KDM2A: variants seen among roughly 807,000 people sequenced by gnomAD.
KDM2A encodes lysine-specific demethylase 2A.
KDM2A carries 3 observed loss-of-function variants against 137.3 expected under a neutral mutation model. The observed-to-expected ratio is 0.02, with a 90% CI of 0.01 to 0.06. The LOEUF is 0.06. Ranked by LOEUF, KDM2A falls within the 10% of genes least tolerant of loss-of-function variation. The pLI, the probability that KDM2A is intolerant of heterozygous loss-of-function variation, is 1.00. For synonymous variants in KDM2A, 512 were observed against 541.5 expected, an observed-to-expected ratio of 0.95 and a Z score of 0.76; for missense variants, 738 against 1,510.6, an observed-to-expected ratio of 0.49 and a Z score of 8.48.
chr11:67,237,455 TATC>T (rs1192893897), intron 12 of KDM2A, among the ~76,000 whole-genome samples: 113 of 140,146 alleles, frequency 8.1e-4, no homozygotes, highest in African/African-American at 1.2e-3. Context: ...TTATTATTAT[TATC>T]ATTATTATTA....
At chr11:67,183,560 G>C (rs1857135299) in intron 5 of KDM2A, among the ~76,000 whole-genome samples, 1 of 152,182 alleles carries the variant, frequency 6.6e-6, no homozygotes, top group Admixed American at 6.5e-5. Context: ...TCTATTGAAG[G>C]CTTGCAAATT....
intron 2 of KDM2A, among the ~76,000 whole-genome samples, chr11:67,159,299 T>G (rs534364188): frequency 6.6e-6 from 1 of 152,308 alleles, no homozygotes; most frequent in Non-Finnish European, 1.5e-5. Context: ...CCGAGTTACC[T>G]TTGGTCCTGT....
In KDM2A at chr11:67,219,418, G is replaced by C. The variant is rs764089486; in HGVS notation, c.957+15G>C. 1 of 1,442,724 alleles carries C rather than the reference G, an allele frequency of 6.9e-7. No homozygotes were observed. Among genetic ancestry groups the C allele is most frequent in the African/African-American group, 1.4e-5 (1 of 70,880 alleles). The allele number at this position is 1,442,724 out of a possible 1,614,324, so 89.4% of individuals were successfully genotyped here. A position where few individuals can be genotyped will look rare whatever the true frequency, so the allele number is the denominator to read the frequency against. On this transcript the variant is annotated intron_variant, in intron 10 of 20. Coordinates refer to ENST00000529006, the MANE Select transcript of KDM2A (RefSeq NM_012308.3). Reference sequence around the variant, plus strand: ...ATCGGACACGGGTAAGTAATCTTATGTAACAGTTGCATGTGAAGAGGTTTA... The same window carrying C: ...ATCGGACACGGGTAAGTAATCTTATCTAACAGTTGCATGTGAAGAGGTTTA...
intron 2 of KDM2A, among the ~76,000 whole-genome samples, chr11:67,123,170 C>T (rs954183952): frequency 2.2e-4 from 33 of 149,498 alleles, no homozygotes; most frequent in African/African-American, 8.1e-4. Context: ...GTGACGGGGT[C>T]TTGCTATGTT....
In KDM2A at chr11:67,152,639, C is replaced by T. The variant is rs182700588; in HGVS notation, c.43-27440C>T. On this transcript the variant is annotated intron_variant, in intron 2 of 20. Transcript: ENST00000529006. ...AAAAAATCCCTTAAAAATTGGCTAC[C>T]GGAAAAATTTAAATTACATATGTAG... Among the ~76,000 whole-genome samples the T allele has an allele frequency of 3.0e-4, 45 of 151,864 alleles. No homozygotes were observed. In the East Asian group the frequency reaches 7.4e-3, roughly 25 times the overall value.
At chr11:67,144,250 A>ATT (rs780214487) in intron 2 of KDM2A, among the ~76,000 whole-genome samples, 20 of 131,674 alleles carry the variant, frequency 1.5e-4, no homozygotes, top group Non-Finnish European at 1.6e-4. Context: ...TTGGCCTTAA[A>ATT]TTTTTTTTTT....
intron 2 of KDM2A, among the ~76,000 whole-genome samples, chr11:67,164,368 T>A (rs1856695687): frequency 6.6e-6 from 1 of 152,352 alleles, no homozygotes; most frequent in African/African-American, 2.4e-5. Flanking sequence ...GATGGGATAC[T>A]TAAATCTGGA....
At position 67,169,760 on chromosome 11, in the gene KDM2A, T is replaced by TCTCTCTCTCTC. The variant is rs1555084878; in HGVS notation, c.43-10319_43-10318insCTCTCTCTCTC. Among the ~76,000 whole-genome samples the TCTCTCTCTCTC allele has an allele frequency of 8.6e-4, 17 of 19,658 alleles. No homozygotes were observed. The Non-Finnish European group carries it at 0.013, about 15-fold the overall frequency. The allele number at this position is 19,658 out of a possible 152,430, so 12.9% of individuals were successfully genotyped here. A position where few individuals can be genotyped will look rare whatever the true frequency, so the allele number is the denominator to read the frequency against. On this transcript the variant is annotated intron_variant, in intron 2 of 20. Transcript: ENST00000529006. ...CTCTCTCTCTCTCTCTCTCTCTCTC[T>TCTCTCTCTCTC]TTTTTTTTTTTTTTTGAGACGGAGT...
rs1348381644 is a variant in KDM2A at position 67,255,522 on chromosome 11, C to G, written c.*467C>G. 2 of 457,006 alleles carry G rather than the reference C, an allele frequency of 4.4e-6. No homozygotes were observed. Among genetic ancestry groups the G allele is most frequent in the South Asian group, 1.5e-5 (1 of 64,580 alleles). 28.3% of individuals were successfully genotyped at this position (457,006 alleles called of 1,614,324 possible). On this transcript the variant is annotated 3_prime_UTR_variant, in exon 21 of 21. Transcript: ENST00000529006. ...GTGCGCGTCTCTCCTCCATCACACT[C>G]TCCCGGCTTGCGCAGGAGGGGCCAG...
At chr11:67,180,446 G>A in intron 3 of KDM2A, 1 of 376,890 alleles carries the variant, frequency 2.7e-6, no homozygotes. Flanking sequence ...CAGGAGTATT[G>A]TTGGATTTTT....
At position 67,181,810 on chromosome 11, in the gene KDM2A, G is replaced by A. The variant is rs757655739; in HGVS notation, c.261-36G>A. ...AACTCACATTTACTAGAGCAATTGT[G>A]TTTTCCATATATACTTACTGGTGTT... is the stretch of plus-strand genomic sequence containing the variant. On this transcript the variant is annotated intron_variant, in intron 4 of 20. Coordinates refer to ENST00000529006, the MANE Select transcript of KDM2A (RefSeq NM_012308.3). 5 of 1,597,158 alleles carry A rather than the reference G, an allele frequency of 3.1e-6. No homozygotes were observed. In the African/African-American group the frequency reaches 6.7e-5, roughly 21 times the overall value.
intron 2 of KDM2A, among the ~76,000 whole-genome samples, chr11:67,140,020 G>C (rs1330981205): frequency 6.6e-6 from 1 of 152,022 alleles, no homozygotes; most frequent in Admixed American, 6.6e-5. Context: ...TGTGTTCTTA[G>C]CTTGAGTTCC....
At chr11:67,232,022 T>A (rs1858733443) in intron 12 of KDM2A, 62 bp downstream of exon 12, 2 of 1,489,470 alleles carry the variant, frequency 1.3e-6, no homozygotes, top group East Asian at 4.5e-5. Flanking sequence ...GCTTCCAGAT[T>A]CAGAGGGAGA....
At chr11:67,147,087 A>T (rs1856266762) in intron 2 of KDM2A, among the ~76,000 whole-genome samples, 1 of 152,180 alleles carries the variant, frequency 6.6e-6, no homozygotes, top group African/African-American at 2.4e-5. Flanking sequence ...GCTAAGATTT[A>T]TGAAAGTGTC....
chr11:67,226,323 T>C (rs1310125407), intron 10 of KDM2A, among the ~76,000 whole-genome samples: 1 of 152,208 alleles, frequency 6.6e-6, no homozygotes, highest in Non-Finnish European at 1.5e-5. Context: ...ATGGATCTGA[T>C]TTTTCTGAAA....
intron 16 of KDM2A, among the ~76,000 whole-genome samples, chr11:67,249,708 T>A (rs1009575621): frequency 3.3e-5 from 5 of 152,152 alleles, no homozygotes; most frequent in African/African-American, 1.2e-4. Context: ...TAGACTGTGG[T>A]AGAGCTAGAA....
chr11:67,254,562 T>A lies in KDM2A; in HGVS notation c.3307+144T>A, dbSNP rs1859541707. On this transcript the variant is annotated intron_variant, in intron 20 of 20. Transcript: ENST00000529006. This position sits in a 1 kb window ranked among gnomAD's most constrained non-coding sequence, Gnocchi z 4.7. Reference sequence around the variant, plus strand: ...TTCACATCTGGACAAGGACATGGATTTCTATCCCTTTTTTAACTGATGGGG... The same window carrying A: ...TTCACATCTGGACAAGGACATGGATATCTATCCCTTTTTTAACTGATGGGG... 1 of 745,626 alleles carries A rather than the reference T, an allele frequency of 1.3e-6. No homozygotes were observed. Among genetic ancestry groups the A allele is most frequent in the Non-Finnish European group, 2.2e-6 (1 of 447,448 alleles). The allele number at this position is 745,626 out of a possible 1,614,324, so 46.2% of individuals were successfully genotyped here. A position where few individuals can be genotyped will look rare whatever the true frequency, so the allele number is the denominator to read the frequency against.
At chr11:67,131,678 C>G (rs1008986710) in intron 2 of KDM2A, among the ~76,000 whole-genome samples, 16 of 152,132 alleles carry the variant, frequency 1.1e-4, no homozygotes, top group Non-Finnish European at 2.9e-5. Flanking sequence ...TCCCAGAATG[C>G]TGAGATTACA....
chr11:67,187,911 G>A (rs928319197), intron 5 of KDM2A, among the ~76,000 whole-genome samples: 1 of 152,140 alleles, frequency 6.6e-6, no homozygotes, highest in Non-Finnish European at 1.5e-5. Context: ...GGTTCCAAGA[G>A]GGGCCTGGTA....
Sources: gnomAD v4.1 joint callset for allele counts (sites outside exome capture counted in the v4.1 genomes callset) on GRCh38, gnomAD v4.1.1 for gene constraint, Gnocchi (gnomAD v3.1) non-coding constraint, MANE v1.5 for transcripts, NCBI Gene and HGNC (gene_info 2026-07-23, HGNC 2026-07-21) for gene names.